RHBDD1: variants seen among roughly 807,000 people sequenced by gnomAD.
The protein encoded by RHBDD1 is rhomboid-related protein 4.
A neutral mutation model predicts 36.3 loss-of-function variants in RHBDD1; 38 were observed. That is an observed-to-expected ratio of 1.05 (90% CI 0.81 to 1.37). RHBDD1 has a LOEUF of 1.37. Ranked by LOEUF, RHBDD1 falls within the 40% of genes most tolerant of loss-of-function variation. The pLI is 0.00. For missense variants in RHBDD1, 393 were observed against 377.6 expected, an observed-to-expected ratio of 1.04 and a Z score of -0.34; for synonymous variants, 151 against 136.5, an observed-to-expected ratio of 1.11 and a Z score of -0.74.
intron 3 of RHBDD1, among the ~76,000 whole-genome samples, chr2:226,856,529 G>A (rs1035432838): frequency 6.6e-6 from 1 of 152,092 alleles, no homozygotes; most frequent in Non-Finnish European, 1.5e-5. Flanking sequence ...TGGCTCTATA[G>A]TAACAGTAAC....
At chr2:226,837,163 A>G (rs1374231784) in intron 1 of RHBDD1, among the ~76,000 whole-genome samples, 2 of 152,244 alleles carry the variant, frequency 1.3e-5, no homozygotes, top group African/African-American at 2.4e-5. Context: ...CCTAGATGGA[A>G]AAACTTGGAC....
chr2:226,852,905 T>TTAG (rs1347584147), intron 3 of RHBDD1, among the ~76,000 whole-genome samples: 1 of 85,148 alleles, frequency 1.2e-5, no homozygotes, highest in East Asian at 2.9e-4. Flanking sequence ...GGCTAATTTA[T>TTAG]TATTATTATT....
At chr2:226,828,242 C>A in the RHBDD1 span, among the ~76,000 whole-genome samples, 12 of 152,186 alleles carry the variant, frequency 7.9e-5, no homozygotes, top group Admixed American at 3.9e-4. Context: ...GGTTTGATTT[C>A]TCTCAACTAA....
chr2:226,892,374 T>C (rs1946756876), intron 5 of RHBDD1, among the ~76,000 whole-genome samples: 1 of 152,224 alleles, frequency 6.6e-6, no homozygotes, highest in Non-Finnish European at 1.5e-5. Context: ...GGGCTAACTT[T>C]GCAATGCAGT....
At chr2:226,912,334 C>A (rs1272807507) in intron 7 of RHBDD1, among the ~76,000 whole-genome samples, 1 of 152,110 alleles carries the variant, frequency 6.6e-6, no homozygotes, top group African/African-American at 2.4e-5. Context: ...CCATGTGACG[C>A]AGCAGTTCCA....
At chr2:226,908,430 AGGAT>A (rs1948230340) in intron 6 of RHBDD1, 1 of 183,450 alleles carries the variant, frequency 5.5e-6, no homozygotes, top group African/African-American at 2.3e-5. Context: ...AAGGGTAGGG[AGGAT>A]GGCTCTCCTA....
intron 3 of RHBDD1, among the ~76,000 whole-genome samples, chr2:226,863,331 T>A (rs536168132): frequency 5.8e-4 from 89 of 152,346 alleles, no homozygotes; most frequent in African/African-American, 2.1e-3. Context: ...AGAGTGAGAT[T>A]CTGGCTCTAA....
At chr2:226,855,214 C>G (rs1943203911) in intron 3 of RHBDD1, among the ~76,000 whole-genome samples, 2 of 152,222 alleles carry the variant, frequency 1.3e-5, no homozygotes, top group Admixed American at 1.3e-4. Flanking sequence ...GTCTTAAGAA[C>G]TCTAGGTTTG....
At chr2:226,844,913 T>A (rs905099821) in intron 3 of RHBDD1, among the ~76,000 whole-genome samples, 1 of 152,214 alleles carries the variant, frequency 6.6e-6, no homozygotes, top group Admixed American at 6.5e-5. Context: ...GGTAATTTCA[T>A]TTTTTAGCCA....
At chr2:226,985,688 A>C (rs1413945715) in intron 8 of RHBDD1, among the ~76,000 whole-genome samples, 1 of 152,268 alleles carries the variant, frequency 6.6e-6, no homozygotes, top group African/African-American at 2.4e-5. Flanking sequence ...CCACCCAATC[A>C]GCAACTATTT....
chr2:226,802,375 T>A, the RHBDD1 span, among the ~76,000 whole-genome samples: 143 of 152,346 alleles, frequency 9.4e-4, 3 homozygotes, highest in East Asian at 0.027. Context: ...TACTTGCTGA[T>A]GTTTTACTAC....
chr2:226,866,734 C>G (rs984308069), intron 4 of RHBDD1, among the ~76,000 whole-genome samples: 4 of 152,190 alleles, frequency 2.6e-5, no homozygotes, highest in East Asian at 1.9e-4. Flanking sequence ...CATCCTTCCC[C>G]TTTCCTTCCA....
At chr2:226,804,881 G>GGACCAA in the RHBDD1 span, 1 of 152,146 alleles carries the variant, frequency 6.6e-6, no homozygotes, top group South Asian at 2.1e-4. Flanking sequence ...TCCTGGTCCA[G>GGACCAA]GCATAGTAGC....
Position 226,848,460 on chromosome 2 carries a change from T to G in RHBDD1, c.-91+8833T>G, listed in dbSNP as rs1011131896. Among the ~76,000 whole-genome samples, 3 of 152,200 alleles carry G rather than the reference T, an allele frequency of 2.0e-5. No homozygotes were observed. The East Asian group carries it at 5.8e-4, about 29-fold the overall frequency. On this transcript the variant is annotated intron_variant, in intron 3 of 8. Transcript: ENST00000392062. ...CTAGTAGACAGTTGGGGGTGACTTC[T>G]GGTCTCAGCTCTGACACATAAAGAT...
At chr2:226,939,280 G>A (rs1357872028) in intron 8 of RHBDD1, among the ~76,000 whole-genome samples, 1 of 152,106 alleles carries the variant, frequency 6.6e-6, no homozygotes, top group Non-Finnish European at 1.5e-5. Flanking sequence ...TCCGGCCAGG[G>A]CAATCGAACA....
chr2:226,972,700 C>T (rs981141757), intron 8 of RHBDD1, among the ~76,000 whole-genome samples: 1 of 152,150 alleles, frequency 6.6e-6, no homozygotes, highest in Non-Finnish European at 1.5e-5. Flanking sequence ...ATGATAGTGA[C>T]ACAACAGTGA....
At chr2:226,918,621 A>G (rs1949087196) in intron 8 of RHBDD1, among the ~76,000 whole-genome samples, 1 of 152,076 alleles carries the variant, frequency 6.6e-6, no homozygotes. Context: ...AGTTCCATCT[A>G]CGTTGTTGCA....
At chr2:226,974,759 A>G (rs187677733) in intron 8 of RHBDD1, among the ~76,000 whole-genome samples, 4 of 152,310 alleles carry the variant, frequency 2.6e-5, no homozygotes, top group Admixed American at 1.3e-4. Context: ...TACTCCCTGC[A>G]GGCTGAGAGT....
At position 226,864,903 on chromosome 2, in the gene RHBDD1, C is replaced by G. The variant is rs1353966517; in HGVS notation, c.210C>G (p.Leu70=). The change falls in exon 4 of 9, where the codon CTC becomes CTG. Residue 70 remains leucine (L), a synonymous_variant. Transcript: ENST00000392062. ...YQQKDWQRLL[L]SPLHHADDWH... is the part of the protein sequence containing the mutation. Reference sequence around the variant, plus strand: ...AAAAAGACTGGCAGCGTTTACTGCTCTCTCCCCTTCACCATGCTGATGATT... The same window carrying G: ...AAAAAGACTGGCAGCGTTTACTGCTGTCTCCCCTTCACCATGCTGATGATT... 7 of 1,614,198 alleles carry G rather than the reference C, an allele frequency of 4.3e-6. No individual in the cohort carries two copies. The Admixed American group carries it at 5.0e-5, about 12-fold the overall frequency.
Sources: allele counts gnomAD v4.1 joint callset (sites outside exome capture counted in the v4.1 genomes callset), GRCh38; gene constraint gnomAD v4.1.1; transcripts MANE v1.5; gene names NCBI Gene and HGNC (gene_info 2026-07-23, HGNC 2026-07-21).